The following BMAL2 variants were observed in gnomAD, a reference collection of about 807,000 sequenced individuals.
The protein encoded by BMAL2 is basic helix-loop-helix ARNT-like protein 2.
At chr12:27,337,541 C>T in the BMAL2 span, among the ~76,000 whole-genome samples, 1 of 152,164 alleles carries the variant, frequency 6.6e-6, no homozygotes, top group Non-Finnish European at 1.5e-5. Flanking sequence ...CTGGAATACC[C>T]CTGCCCTCCC....
At chr12:27,359,188 G>T in the BMAL2 span, among the ~76,000 whole-genome samples, 1 of 152,098 alleles carries the variant, frequency 6.6e-6, no homozygotes, top group Non-Finnish European at 1.5e-5. Flanking sequence ...TGAAATAATT[G>T]AAATAATGGT....
At chr12:27,419,137 G>A in the BMAL2 span, among the ~76,000 whole-genome samples, 7 of 152,022 alleles carry the variant, frequency 4.6e-5, no homozygotes, top group Non-Finnish European at 8.8e-5. Context: ...AATTCATAAA[G>A]GATAGAAGTC....
chr12:27,360,051 T>TAAAAAAA, the BMAL2 span, among the ~76,000 whole-genome samples: 35 of 115,246 alleles, frequency 3.0e-4, no homozygotes, highest in African/African-American at 1.2e-3. Context: ...AGACCCTATT[T>TAAAAAAA]AAAAAAAAAA....
the BMAL2 span, among the ~76,000 whole-genome samples, chr12:27,418,615 GTAAATAAA>G: frequency 6.6e-6 from 1 of 151,074 alleles, no homozygotes; most frequent in Non-Finnish European, 1.5e-5. Context: ...AAAAAAAAAA[GTAAATAAA>G]TAAATAAATA....
the BMAL2 span, among the ~76,000 whole-genome samples, chr12:27,378,574 G>A: frequency 1.3e-5 from 2 of 152,232 alleles, no homozygotes; most frequent in Admixed American, 1.3e-4. Context: ...GTCGGGGAAA[G>A]TCTTGAAGAG....
the BMAL2 span, among the ~76,000 whole-genome samples, chr12:27,355,691 A>G: frequency 6.6e-6 from 1 of 152,226 alleles, no homozygotes; most frequent in East Asian, 1.9e-4. Context: ...GATCATGGAC[A>G]AAATCACATG....
chr12:27,367,178 A>G, the BMAL2 span, among the ~76,000 whole-genome samples: 1 of 152,216 alleles, frequency 6.6e-6, no homozygotes, highest in African/African-American at 2.4e-5. Context: ...ATTAAGCAAA[A>G]TAAGGGTTCT....
the BMAL2 span, among the ~76,000 whole-genome samples, chr12:27,354,386 A>G: frequency 6.6e-6 from 1 of 152,172 alleles, no homozygotes; most frequent in Non-Finnish European, 1.5e-5. Context: ...ATGGACACAA[A>G]AAGAGGAACA....
At chr12:27,334,902 G>T in the BMAL2 span, among the ~76,000 whole-genome samples, 1 of 152,154 alleles carries the variant, frequency 6.6e-6, no homozygotes, top group Non-Finnish European at 1.5e-5. Context: ...GAAAACTGAG[G>T]CTGGCTCACA....
chr12:27,335,566 C>T, the BMAL2 span, among the ~76,000 whole-genome samples: 1 of 152,306 alleles, frequency 6.6e-6, no homozygotes, highest in Admixed American at 6.5e-5. Context: ...AGAAATCAAA[C>T]GTCATGTCCC....
the BMAL2 span, chr12:27,401,238 T>G: frequency 6.3e-7 from 1 of 1,593,782 alleles, no homozygotes; most frequent in Non-Finnish European, 8.6e-7. Context: ...CTGAAGTTTA[T>G]TTTCAATTTT....
the BMAL2 span, among the ~76,000 whole-genome samples, chr12:27,338,269 G>A: frequency 1.3e-5 from 2 of 152,186 alleles, no homozygotes; most frequent in Non-Finnish European, 2.9e-5. Flanking sequence ...AAATCTATTA[G>A]GCTGGGTGAG....
the BMAL2 span, chr12:27,422,130 A>G: frequency 6.6e-6 from 1 of 151,858 alleles, no homozygotes; most frequent in Non-Finnish European, 1.5e-5. Context: ...CTGCATGTCT[A>G]CCTTCTCGGG....
chr12:27,403,089 T>C, the BMAL2 span, among the ~76,000 whole-genome samples: 3 of 152,192 alleles, frequency 2.0e-5, no homozygotes, highest in Non-Finnish European at 4.4e-5. Flanking sequence ...ACGAAAAGTA[T>C]TGGGGGAGTT....
At chr12:27,341,957 G>A in the BMAL2 span, among the ~76,000 whole-genome samples, 3 of 152,000 alleles carry the variant, frequency 2.0e-5, no homozygotes, top group Admixed American at 6.6e-5. Context: ...TTATTTTTGA[G>A]ACAGAATCTC....
the BMAL2 span, among the ~76,000 whole-genome samples, chr12:27,411,126 GT>G: frequency 2.0e-5 from 3 of 151,878 alleles, no homozygotes; most frequent in Admixed American, 6.6e-5. Flanking sequence ...TAGTTATTGT[GT>G]TTTTTTAAAT....
the BMAL2 span, among the ~76,000 whole-genome samples, chr12:27,352,560 A>G: frequency 2.6e-5 from 1 of 39,170 alleles, no homozygotes; most frequent in Non-Finnish European, 4.9e-5. Context: ...ACTCCTACTC[A>G]ACATAGTCCT....
the BMAL2 span, among the ~76,000 whole-genome samples, chr12:27,391,348 C>G: frequency 6.6e-6 from 1 of 152,206 alleles, no homozygotes; most frequent in South Asian, 2.1e-4. Flanking sequence ...CAGCTCTATC[C>G]ACAGTGCTGC....
chr12:27,376,344 A>G, the BMAL2 span: 176 of 1,612,846 alleles, frequency 1.1e-4, no homozygotes, highest in Non-Finnish European at 1.4e-4. Context: ...GCTTTTTTGT[A>G]GAGTGGAAGA....
Sources: allele counts gnomAD v4.1 joint callset (sites outside exome capture counted in the v4.1 genomes callset), GRCh38; gene constraint gnomAD v4.1.1; transcripts MANE v1.5; gene names NCBI Gene and HGNC (gene_info 2026-07-23, HGNC 2026-07-21).